Variants in CUX1 observed in about 807,000 individuals in gnomAD.
CUX1 encodes the protein cut like homeobox 1.
In CUX1, 31 loss-of-function variants were observed where a neutral mutation model predicts 158.8. The observed-to-expected ratio is 0.20, with a 90% confidence interval of 0.15 to 0.26. CUX1 has a LOEUF of 0.26. CUX1 is among the 10% of genes least tolerant of loss of function. The pLI, the probability that CUX1 is intolerant of heterozygous loss-of-function variation, is 1.00. For missense variants in CUX1, 1,589 were observed against 2,014.6 expected, an observed-to-expected ratio of 0.79 and a Z score of 4.04; for synonymous variants, 879 against 862.1, an observed-to-expected ratio of 1.02 and a Z score of -0.34.
At chr7:102,086,678 T>C (rs1827988137) in intron 4 of CUX1, among the ~76,000 whole-genome samples, 1 of 152,072 alleles carries the variant, frequency 6.6e-6, no homozygotes. Context: ...GACACGACTT[T>C]GGCTCACTGC....
intron 21 of CUX1, 103 bp from the exon 22 acceptor site, chr7:102,233,949 G>A (rs1799275494): frequency 1.1e-6 from 1 of 915,540 alleles, no homozygotes; most frequent in African/African-American, 1.7e-5. Context: ...CCAACCCTGA[G>A]CCTTTAAACT....
intron 16 of CUX1, chr7:102,275,203 T>G: frequency 6.8e-7 from 1 of 1,467,772 alleles, no homozygotes; most frequent in Non-Finnish European, 9.3e-7. Flanking sequence ...CCTGCTGGGT[T>G]CCACCTCCTG....
intron 20 of CUX1, among the ~76,000 whole-genome samples, chr7:102,210,079 G>T (rs1796368290): frequency 6.6e-6 from 1 of 151,860 alleles, no homozygotes; most frequent in Admixed American, 6.6e-5. Flanking sequence ...GTAGAAGTGG[G>T]TCTCTCTTTT....
intron 23 of CUX1, among the ~76,000 whole-genome samples, chr7:102,247,184 A>C (rs1009707508): frequency 7.9e-5 from 12 of 151,828 alleles, no homozygotes; most frequent in African/African-American, 2.4e-4. Context: ...ACAGAGCAAG[A>C]CACTGCCTCT....
chr7:102,233,472 G>T (rs1371406509), intron 21 of CUX1, among the ~76,000 whole-genome samples: 2 of 152,096 alleles, frequency 1.3e-5, no homozygotes, highest in East Asian at 1.9e-4. Context: ...TCCGGCCACC[G>T]CACCAGGCTG....
At chr7:101,847,846 T>G (rs1033609603) in intron 1 of CUX1, among the ~76,000 whole-genome samples, 1 of 151,680 alleles carries the variant, frequency 6.6e-6, no homozygotes, top group African/African-American at 2.4e-5. Context: ...GGCAGGCAGA[T>G]CACCTGAGAT....
intron 20 of CUX1, among the ~76,000 whole-genome samples, chr7:102,211,179 C>T (rs1554523031): frequency 6.6e-6 from 1 of 152,146 alleles, no homozygotes; most frequent in Non-Finnish European, 1.5e-5. Flanking sequence ...GGCGCGGTGG[C>T]TCACACCTGT....
chr7:101,939,974 G>C (rs1807501792), intron 2 of CUX1, among the ~76,000 whole-genome samples: 1 of 152,018 alleles, frequency 6.6e-6, no homozygotes, highest in Non-Finnish European at 1.5e-5. Flanking sequence ...CCAGCTACTT[G>C]AGAGCCTGAG....
chr7:102,136,128 G>C (rs1482696496), intron 8 of CUX1, among the ~76,000 whole-genome samples: 1 of 151,688 alleles, frequency 6.6e-6, no homozygotes, highest in Non-Finnish European at 1.5e-5. Flanking sequence ...CAATAATATT[G>C]ATGATTTCTT....
chr7:102,216,722 A>T (rs1797222267), intron 20 of CUX1, among the ~76,000 whole-genome samples: 1 of 138,528 alleles, frequency 7.2e-6, no homozygotes, highest in Non-Finnish European at 1.5e-5. Flanking sequence ...CCACACACAC[A>T]TGCACACAGA....
At position 102,233,570 on chromosome 7, in the gene CUX1, T is replaced by C. The variant is rs575754165; in HGVS notation, c.3434-482T>C. Reference sequence around the variant, plus strand: ...GGGAGGCTGATGGGGGTGGATCACCTGAGGTCAGGAGTTCAAGACCAGCCT... The same window carrying C: ...GGGAGGCTGATGGGGGTGGATCACCCGAGGTCAGGAGTTCAAGACCAGCCT... On this transcript the variant is annotated intron_variant, in intron 21 of 23. Coordinates refer to ENST00000292535, the MANE Select transcript of CUX1 (RefSeq NM_181552.4). Among the ~76,000 whole-genome samples, 93 of 152,220 alleles carry C rather than the reference T, an allele frequency of 6.1e-4. 1 individual carries two copies. The highest frequency in any genetic ancestry group is 1.9e-3 in the African/African-American group (79 of 41,544).
At chr7:102,027,245 C>T (rs139470782) in intron 2 of CUX1, among the ~76,000 whole-genome samples, 13 of 152,102 alleles carry the variant, frequency 8.5e-5, no homozygotes, top group Non-Finnish European at 1.5e-4. Flanking sequence ...ATTAGCCGGG[C>T]GCCTGTAGTC....
exon 23 of CUX1, chr7:102,283,551 A>G (rs1554550068): frequency 1.2e-5 from 2 of 167,700 alleles, no homozygotes; most frequent in South Asian, 1.6e-4. Context: ...GCAGGCTTTG[A>G]GTCCAGCACC....
At chr7:101,997,567 C>G (rs565942156) in intron 2 of CUX1, among the ~76,000 whole-genome samples, 2 of 152,204 alleles carry the variant, frequency 1.3e-5, no homozygotes, top group African/African-American at 4.8e-5. Flanking sequence ...TGGTCTCAAA[C>G]TTCTGAACTC....
chr7:101,822,335 G>C lies in CUX1; in HGVS notation c.30+4666G>C, dbSNP rs920413378. 5 of 152,336 alleles carry C rather than the reference G, an allele frequency of 3.3e-5. No homozygotes were observed. In the East Asian group the frequency reaches 9.7e-4, roughly 29 times the overall value. The allele number at this position is 152,336 out of a possible 1,614,324, so 9.4% of individuals were successfully genotyped here. ...TCCTGCTGAGGACAGCTAAGGTTTG[G>C]TATGGAGCAGTTTTGGATTTGCTGA... On this transcript the variant is annotated intron_variant, in intron 1 of 23. Transcript: ENST00000292535.
At chr7:102,054,249 G>T (rs1823869144) in intron 3 of CUX1, among the ~76,000 whole-genome samples, 1 of 152,128 alleles carries the variant, frequency 6.6e-6, no homozygotes, top group Admixed American at 6.5e-5. Flanking sequence ...GGTCATAAAG[G>T]TTTACACCTG....
intron 2 of CUX1, among the ~76,000 whole-genome samples, chr7:101,985,115 G>A (rs541641979): frequency 3.2e-4 from 48 of 152,326 alleles, no homozygotes; most frequent in African/African-American, 1.1e-3. Flanking sequence ...TTAAATTGAT[G>A]TTTTATGTTG....
chr7:102,085,367 A>G (rs1554480068), intron 4 of CUX1, among the ~76,000 whole-genome samples: 1 of 152,118 alleles, frequency 6.6e-6, no homozygotes, highest in East Asian at 1.9e-4. Context: ...ATGCTATCTC[A>G]TCTTGAATTG....
At chr7:102,170,211 A>G (rs1455349460) in intron 9 of CUX1, among the ~76,000 whole-genome samples, 2 of 152,180 alleles carry the variant, frequency 1.3e-5, no homozygotes, top group Non-Finnish European at 2.9e-5. Flanking sequence ...TCAGCAGGGG[A>G]TTCCTTTGCT....
Sources: allele counts gnomAD v4.1 joint callset (sites outside exome capture counted in the v4.1 genomes callset), GRCh38; gene constraint gnomAD v4.1.1; transcripts MANE v1.5; gene names NCBI Gene and HGNC (gene_info 2026-07-23, HGNC 2026-07-21).